Variants in MAGI1 observed in about 807,000 individuals in gnomAD.
MAGI1 encodes the protein membrane associated guanylate kinase, WW and PDZ domain containing 1.
A neutral mutation model predicts 139.9 loss-of-function variants in MAGI1; 58 were observed. That is an observed-to-expected ratio of 0.41 (90% CI 0.34 to 0.52). MAGI1 has a LOEUF of 0.52. MAGI1 is among the 20% of genes least tolerant of loss of function. The probability of loss-of-function intolerance (pLI) is 0.12; values close to 1 mark genes in which losing one functional copy is unlikely to be tolerated. For missense variants in MAGI1, 1,874 were observed against 1,901.6 expected, an observed-to-expected ratio of 0.99 and a Z score of 0.27; for synonymous variants, 812 against 737.9, an observed-to-expected ratio of 1.10 and a Z score of -1.63.
intron 2 of MAGI1, among the ~76,000 whole-genome samples, chr3:65,511,029 C>G (rs1180421524): frequency 1.4e-5 from 2 of 145,372 alleles, no homozygotes; most frequent in East Asian, 2.2e-4. Context: ...AATTTTCAAC[C>G]CAGAATTTCA....
intron 17 of MAGI1, among the ~76,000 whole-genome samples, chr3:65,377,807 T>C (rs1942674309): frequency 6.6e-6 from 1 of 152,232 alleles, no homozygotes; most frequent in South Asian, 2.1e-4. Flanking sequence ...CGTTTGTTAC[T>C]GCAGCCACAC....
chr3:65,803,511 C>T (rs1054613864), intron 1 of MAGI1, among the ~76,000 whole-genome samples: 4 of 152,126 alleles, frequency 2.6e-5, no homozygotes, highest in Admixed American at 6.6e-5. Flanking sequence ...CTTGTTCAAT[C>T]CATCATTTGA....
chr3:65,632,165 G>A (rs964209066), intron 1 of MAGI1, among the ~76,000 whole-genome samples: 1 of 151,996 alleles, frequency 6.6e-6, no homozygotes, highest in African/African-American at 2.4e-5. Flanking sequence ...TATTTTAAAG[G>A]TTCTTGATAA....
At chr3:65,862,946 C>A (rs1258954811) in intron 1 of MAGI1, among the ~76,000 whole-genome samples, 1 of 152,224 alleles carries the variant, frequency 6.6e-6, no homozygotes, top group Non-Finnish European at 1.5e-5. Context: ...CCACTATCTA[C>A]AGAATGAAAC....
chr3:65,787,995 C>T (rs2039512952), intron 1 of MAGI1, among the ~76,000 whole-genome samples: 1 of 152,168 alleles, frequency 6.6e-6, no homozygotes, highest in Non-Finnish European at 1.5e-5. Flanking sequence ...GGAGTCATCC[C>T]TGCAATGGCC....
intron 1 of MAGI1, among the ~76,000 whole-genome samples, chr3:65,664,780 G>C (rs13064865): frequency 1.0e-3 from 157 of 152,238 alleles, no homozygotes; most frequent in Non-Finnish European, 1.8e-3. Context: ...TTCTGTTTCA[G>C]GTCTCACACT....
intron 2 of MAGI1, among the ~76,000 whole-genome samples, chr3:65,518,209 C>G (rs946308828): frequency 1.3e-5 from 2 of 152,132 alleles, no homozygotes; most frequent in African/African-American, 4.8e-5. Flanking sequence ...TTCTCTGACC[C>G]TAACTAAAGT....
chr3:65,608,312 G>A (rs1441003981), intron 2 of MAGI1, among the ~76,000 whole-genome samples: 1 of 152,032 alleles, frequency 6.6e-6, no homozygotes, highest in Non-Finnish European at 1.5e-5. Context: ...ATGGTGGCAG[G>A]TGCCTGTAAT....
intron 2 of MAGI1, among the ~76,000 whole-genome samples, chr3:65,498,244 T>C (rs1484032293): frequency 6.6e-6 from 1 of 150,438 alleles, no homozygotes; most frequent in African/African-American, 2.4e-5. Flanking sequence ...GTCAAACAAA[T>C]TCTACCATGT....
intron 2 of MAGI1, among the ~76,000 whole-genome samples, chr3:65,613,329 C>T (rs2083213202): frequency 6.6e-6 from 1 of 152,132 alleles, no homozygotes; most frequent in African/African-American, 2.4e-5. Context: ...ACAGTAAGTG[C>T]TCAATTAATG....
intron 3 of MAGI1, among the ~76,000 whole-genome samples, chr3:65,488,565 T>A (rs926291036): frequency 6.6e-6 from 1 of 152,040 alleles, no homozygotes; most frequent in East Asian, 1.9e-4. Context: ...TGTGTCGAAT[T>A]CCTGACCTAA....
In MAGI1 at chr3:65,417,176, C is replaced by T. The variant is rs144928576; in HGVS notation, c.2167+12344G>A. ...GCACACACTGGGGCCTGTCGGAGGG[C>T]GGCAGGGGTAGTGACAGCATCAGGA... is the stretch of plus-strand genomic sequence containing the variant. On this transcript the variant is annotated intron_variant, in intron 12 of 22. Transcript: ENST00000402939. Among the ~76,000 whole-genome samples, 44 of 152,166 alleles carry T rather than the reference C, an allele frequency of 2.9e-4. No individual in the cohort carries two copies. The East Asian group carries it at 6.0e-3, about 21-fold the overall frequency.
At chr3:65,597,999 T>G in intron 2 of MAGI1, 1 of 440,356 alleles carries the variant, frequency 2.3e-6, no homozygotes, top group South Asian at 1.6e-5. Flanking sequence ...AGAGCGGTTT[T>G]TCGAGGGAAG....
chr3:65,530,651 G>A (rs868345033), intron 2 of MAGI1, among the ~76,000 whole-genome samples: 29 of 92,182 alleles, frequency 3.1e-4, no homozygotes, highest in South Asian at 1.5e-3. Flanking sequence ...GTGTGTGTGT[G>A]TGTGTGTGTG....
At chr3:65,792,381 C>G (rs1482159414) in intron 1 of MAGI1, among the ~76,000 whole-genome samples, 1 of 152,086 alleles carries the variant, frequency 6.6e-6, no homozygotes, top group East Asian at 1.9e-4. Flanking sequence ...AGGAGAATTG[C>G]TTGAACCAAG....
In MAGI1 at chr3:66,038,176, C is replaced by T. The variant is rs753358460; in HGVS notation, c.133G>A (p.Gly45Arg). ...GCTGCCTCGACCGCCGCCACCGCTC[C>T]GACGTACGGAAACTCCCCGTGCTCC... ...GAEHGEFPYV[G>R]AVAAVEAAGL... Residue 45 changes from glycine (G) to arginine (R), a missense_variant, in exon 1 of 23, where the codon GGA (glycine) becomes AGA (arginine). Transcript: ENST00000402939. 9.3e-6 allele frequency: 15 copies of T among 1,612,042 alleles called. No individual in the cohort carries two copies. In the Admixed American group the frequency reaches 2.3e-4, roughly 25 times the overall value.
At chr3:65,642,213 C>T (rs1471219082) in intron 1 of MAGI1, among the ~76,000 whole-genome samples, 3 of 152,132 alleles carry the variant, frequency 2.0e-5, no homozygotes, top group African/African-American at 7.2e-5. Flanking sequence ...TTCTACACTC[C>T]AGCTAACACT....
chr3:65,489,183 G>T (rs897069044), intron 3 of MAGI1, among the ~76,000 whole-genome samples: 1 of 152,108 alleles, frequency 6.6e-6, no homozygotes, highest in Admixed American at 6.6e-5. Context: ...AAGATTAAAT[G>T]AATTTGTGCA....
At chr3:65,922,042 GC>G (rs1267807102) in intron 1 of MAGI1, among the ~76,000 whole-genome samples, 2 of 152,048 alleles carry the variant, frequency 1.3e-5, no homozygotes, top group African/African-American at 4.8e-5. Flanking sequence ...TCAAGTACCT[GC>G]CATGTGCTAG....
Sources: allele counts gnomAD v4.1 joint callset (sites outside exome capture counted in the v4.1 genomes callset), GRCh38; gene constraint gnomAD v4.1.1; transcripts MANE v1.5; gene names NCBI Gene and HGNC (gene_info 2026-07-23, HGNC 2026-07-21).